The following DLG1 variants were observed in gnomAD, a reference collection of about 807,000 sequenced individuals.
DLG1 encodes the protein disks large homolog 1.
A neutral mutation model predicts 123.4 loss-of-function variants in DLG1; 42 were observed. The observed-to-expected ratio is 0.34, with a 90% confidence interval of 0.27 to 0.44. The LOEUF is 0.44. Ranked by LOEUF, DLG1 falls within the 20% of genes least tolerant of loss-of-function variation. The pLI is 1.00. For missense variants in DLG1, 942 were observed against 1,082.6 expected, an observed-to-expected ratio of 0.87 and a Z score of 1.82; for synonymous variants, 317 against 356.2, an observed-to-expected ratio of 0.89 and a Z score of 1.24.
intron 3 of DLG1, among the ~76,000 whole-genome samples, chr3:197,293,389 A>G (rs1327477505): frequency 6.6e-6 from 1 of 152,248 alleles, no homozygotes; most frequent in Non-Finnish European, 1.5e-5. Context: ...TATCAGCACT[A>G]GACCAATGAT....
chr3:197,240,682 G>A (rs991365467), intron 4 of DLG1, among the ~76,000 whole-genome samples: 4 of 152,022 alleles, frequency 2.6e-5, no homozygotes, highest in Non-Finnish European at 5.9e-5. Flanking sequence ...AGAGATTAAA[G>A]TAATTTTTTA....
chr3:197,229,481 A>G (rs1182233997), intron 4 of DLG1, among the ~76,000 whole-genome samples: 2 of 149,014 alleles, frequency 1.3e-5, no homozygotes. Context: ...AAAAAGTCCT[A>G]GACAGTGAAG....
chr3:197,287,873 A>T (rs1307138058), intron 3 of DLG1, among the ~76,000 whole-genome samples: 1 of 152,212 alleles, frequency 6.6e-6, no homozygotes, highest in African/African-American at 2.4e-5. Flanking sequence ...AATAAATACA[A>T]CATTCCTAAG....
At chr3:197,196,360 G>A (rs958100276) in intron 4 of DLG1, among the ~76,000 whole-genome samples, 1 of 152,102 alleles carries the variant, frequency 6.6e-6, no homozygotes, top group African/African-American at 2.4e-5. Context: ...TGTTTTCACA[G>A]ATGACTGCAA....
At chr3:197,057,781 T>G (rs1255404917) in intron 23 of DLG1, among the ~76,000 whole-genome samples, 4 of 152,172 alleles carry the variant, frequency 2.6e-5, no homozygotes, top group Non-Finnish European at 2.9e-5. Flanking sequence ...GCATGTGTAG[T>G]CATATCCTCT....
intron 18 of DLG1, chr3:197,070,971 T>C (rs1743513644): frequency 1.3e-5 from 2 of 152,210 alleles, no homozygotes; most frequent in Non-Finnish European, 2.9e-5. Context: ...AATATTCTAT[T>C]AGATTGATAC....
intron 14 of DLG1, among the ~76,000 whole-genome samples, chr3:197,103,625 TGTTTA>T: frequency 6.6e-6 from 1 of 151,442 alleles, no homozygotes; most frequent in East Asian, 1.9e-4. Context: ...AATTTTCCCC[TGTTTA>T]GTTACTAAGC....
chr3:197,108,665 A>C (rs543764538), intron 13 of DLG1, among the ~76,000 whole-genome samples: 2 of 152,264 alleles, frequency 1.3e-5, no homozygotes, highest in African/African-American at 4.8e-5. Context: ...GATATTAGTC[A>C]TATTAGTACA....
At chr3:197,231,205 C>G (rs997868378) in intron 4 of DLG1, among the ~76,000 whole-genome samples, 1 of 140,280 alleles carries the variant, frequency 7.1e-6, no homozygotes, top group Non-Finnish European at 1.6e-5. Flanking sequence ...TCTTAAATTA[C>G]GTGAAGAATT....
chr3:197,126,173 G>A (rs1203950285), intron 11 of DLG1, among the ~76,000 whole-genome samples: 2 of 151,974 alleles, frequency 1.3e-5, no homozygotes, highest in African/African-American at 2.4e-5. Flanking sequence ...AATAACAGAT[G>A]GGGGAAAAAG....
At chr3:197,128,040 CTGTGTTAATTTCTTAAAATAAGACA>C (rs1315539245) in intron 11 of DLG1, among the ~76,000 whole-genome samples, 1 of 152,046 alleles carries the variant, frequency 6.6e-6, no homozygotes, top group African/African-American at 2.4e-5. Context: ...GGTGGGGTGC[CTGTGTTAATTTCTTAAAATAAGACA>C]AAAATGCAGT....
chr3:197,046,733 G>A (rs1723407749), intron 24 of DLG1, among the ~76,000 whole-genome samples: 1 of 152,098 alleles, frequency 6.6e-6, no homozygotes, highest in Non-Finnish European at 1.5e-5. Flanking sequence ...AGCTGGGCAT[G>A]TTGGCTGTAG....
At chr3:197,250,980 CAAAAAAAAAAAA>C (rs34378051) in intron 4 of DLG1, among the ~76,000 whole-genome samples, 1 of 87,128 alleles carries the variant, frequency 1.1e-5, no homozygotes, top group Non-Finnish European at 2.3e-5. Flanking sequence ...AAGACTCCAT[CAAAAAAAAAAAA>C]AAAAAAAAGG....
chr3:197,069,181 T>G (rs1741829138), intron 19 of DLG1, 38 bp downstream of exon 19: 3 of 1,504,202 alleles, frequency 2.0e-6, no homozygotes, highest in Non-Finnish European at 2.7e-6. Flanking sequence ...GATGTATTAC[T>G]CGAGATTACA....
chr3:197,048,807 C>T (rs2148674697), intron 24 of DLG1, among the ~76,000 whole-genome samples: 1 of 152,110 alleles, frequency 6.6e-6, no homozygotes, highest in Admixed American at 6.5e-5. Flanking sequence ...AGGCATGCAC[C>T]ACCACGCCCG....
intron 14 of DLG1, among the ~76,000 whole-genome samples, chr3:197,097,799 C>T (rs964955669): frequency 6.6e-6 from 1 of 151,936 alleles, no homozygotes; most frequent in African/African-American, 2.4e-5. Context: ...CCAGGCTGGT[C>T]TCAAACTCCT....
chr3:197,098,204 G>A (rs1761694322), intron 14 of DLG1, among the ~76,000 whole-genome samples: 1 of 152,026 alleles, frequency 6.6e-6, no homozygotes, highest in East Asian at 1.9e-4. Context: ...TAAAAGTTCT[G>A]CAATGCTTTT....
At chr3:197,245,133 CTCTT>C (rs1750994841) in intron 4 of DLG1, among the ~76,000 whole-genome samples, 1 of 152,106 alleles carries the variant, frequency 6.6e-6, no homozygotes, top group Non-Finnish European at 1.5e-5. Context: ...ATTCTTTCTA[CTCTT>C]TCTGATGAAG....
rs1719235434 is a variant in DLG1, at chr3:197,191,120, T to C, written c.483+3305A>G. Among the ~76,000 whole-genome samples the C allele has an allele frequency of 2.0e-5, 3 of 152,292 alleles. No individual in the cohort carries two copies. In the South Asian group the frequency reaches 6.2e-4, roughly 32 times the overall value. ...TGAAGTAGGTTTTCACTGATGAAGGTAGTGGCTTATTAATCAGCAAAATGG... is the reference window on the plus strand; with the variant it reads ...TGAAGTAGGTTTTCACTGATGAAGGCAGTGGCTTATTAATCAGCAAAATGG... On this transcript the variant is annotated intron_variant, in intron 5 of 24. Transcript: ENST00000667157.
Sources: allele counts gnomAD v4.1 joint callset (sites outside exome capture counted in the v4.1 genomes callset), GRCh38; gene constraint gnomAD v4.1.1; transcripts MANE v1.5; gene names NCBI Gene and HGNC (gene_info 2026-07-23, HGNC 2026-07-21).